The following DYNC1LI2 variants were observed in gnomAD, a reference collection of about 807,000 sequenced individuals.
The protein encoded by DYNC1LI2 is dynein cytoplasmic 1 light intermediate chain 2, also known as cytoplasmic dynein 1 light intermediate chain 2.
A neutral mutation model predicts 57.8 loss-of-function variants in DYNC1LI2; 19 were observed. That is an observed-to-expected ratio of 0.33 (90% confidence interval 0.23 to 0.48). The LOEUF is 0.48. Among genes scored for constraint, DYNC1LI2 ranks in the 20% least tolerant of loss-of-function variants. The pLI, the probability that DYNC1LI2 is intolerant of heterozygous loss-of-function variation, is 0.99. For synonymous variants in DYNC1LI2, 256 were observed against 233.4 expected, an observed-to-expected ratio of 1.10 and a Z score of -0.88; for missense variants, 470 against 604.2, an observed-to-expected ratio of 0.78 and a Z score of 2.33.
chr16:66,723,640 G>T lies in DYNC1LI2; in HGVS notation c.*82C>A. On this transcript the variant is annotated 3_prime_UTR_variant, in exon 13 of 13. Coordinates refer to ENST00000258198, the MANE Select transcript of DYNC1LI2 (RefSeq NM_006141.3). ...CTGCCCCAAAAAACTGATAGCATGT[G>T]CCATATCAGAAAAATCCTGGTCTTA... 1.6e-6 allele frequency: 2 copies of T among 1,230,352 alleles called. No individual in the cohort carries two copies. The highest frequency in any genetic ancestry group is 2.3e-6 in the Non-Finnish European group (2 of 878,834). The allele number at this position is 1,230,352 out of a possible 1,614,324, so 76.2% of individuals were successfully genotyped here.
chr16:66,738,085 A>G (rs1567453684), intron 4 of DYNC1LI2, among the ~76,000 whole-genome samples: 1 of 152,298 alleles, frequency 6.6e-6, no homozygotes, highest in East Asian at 1.9e-4. Context: ...CAAACATTTC[A>G]AACCACGAGT....
In DYNC1LI2 at chr16:66,739,304, TC is replaced by T. The variant is rs548008364; in HGVS notation, c.530-3061del. The T allele has an allele frequency of 4.6e-5, 7 of 152,308 alleles. No homozygotes were observed. In the East Asian group the frequency reaches 1.4e-3, roughly 29 times the overall value. The allele number at this position is 152,308 out of a possible 1,614,324, so 9.4% of individuals were successfully genotyped here. On this transcript the variant is annotated intron_variant, in intron 4 of 12. Transcript: ENST00000258198. ...CATTACCTCGTGCACTGTAAACTTTTCTGCTGTTTTTTACCTGTGCCATGAG... is the reference window on the plus strand; with the variant it reads ...CATTACCTCGTGCACTGTAAACTTTTTGCTGTTTTTTACCTGTGCCATGAG...
In DYNC1LI2 at chr16:66,723,750, G is replaced by T; in HGVS notation, c.1451C>A (p.Thr484Lys). The T allele has an allele frequency of 6.2e-7, 1 of 1,607,684 alleles. No homozygotes were observed. Residue 484 changes from threonine to lysine, a missense_variant, in exon 13 of 13, where the codon ACA (threonine) becomes AAA (lysine). Physicochemically the swap from Thr to Lys is moderately conservative, Grantham distance 78 (BLOSUM62 -1). Coordinates refer to ENST00000258198, the MANE Select transcript of DYNC1LI2 (RefSeq NM_006141.3). ...GGCTTCATTTTCTGTTGAAGAGTTT[G>T]TTACCATAGAGTCTGGCTTTCGAGT... ...RMTRKPDSMV[T>K]NSSTENEA
At chr16:66,734,407 G>C in intron 5 of DYNC1LI2, 96 bp from the exon 6 acceptor site, 1 of 1,195,286 alleles carries the variant, frequency 8.4e-7, no homozygotes, top group Non-Finnish European at 1.2e-6. Flanking sequence ...TGGCTCCAAA[G>C]AAGAAAGCCA....
intron 12 of DYNC1LI2, 54 bp from the exon 13 acceptor site, chr16:66,723,876 AT>A (rs946812168): frequency 3.0e-5 from 45 of 1,480,484 alleles, no homozygotes; most frequent in African/African-American, 1.8e-4. Context: ...AGAGGAAACA[AT>A]TTTTTTTAAA....
At chr16:66,727,842 A>T in intron 10 of DYNC1LI2, 37 bp from the exon 11 acceptor site, 2 of 1,544,510 alleles carry the variant, frequency 1.3e-6, no homozygotes, top group South Asian at 2.3e-5. Context: ...ACACAGGCAT[A>T]ACAATAACAA....
chr16:66,746,911 G>C (rs1025979201), intron 3 of DYNC1LI2, among the ~76,000 whole-genome samples: 9 of 152,146 alleles, frequency 5.9e-5, no homozygotes, highest in African/African-American at 2.2e-4. Flanking sequence ...CAAAGCCACA[G>C]CTCTTTCCAC....
Position 66,723,101 on chromosome 16 carries a change from A to G in DYNC1LI2, c.*621T>C. ...ACAATTAGTACATCTTTCGTAAGTT[A>G]AAGATGCATTCAAAATAAGCCTAAT... On this transcript the variant is annotated 3_prime_UTR_variant, in exon 13 of 13. Transcript: ENST00000258198. 2.9e-6 allele frequency: 1 copy of G among 345,902 alleles called. No individual in the cohort carries two copies. The highest frequency in any genetic ancestry group is 2.3e-5 in the South Asian group (1 of 44,048). The allele number at this position is 345,902 out of a possible 1,614,324, so 21.4% of individuals were successfully genotyped here. A position where few individuals can be genotyped will look rare whatever the true frequency, so the allele number is the denominator to read the frequency against.
intron 4 of DYNC1LI2, among the ~76,000 whole-genome samples, chr16:66,739,689 A>G (rs529739962): frequency 6.6e-6 from 1 of 152,180 alleles, no homozygotes; most frequent in Non-Finnish European, 1.5e-5. Flanking sequence ...AGCTTCCCAA[A>G]GTGCTGGGGT....
chr16:66,721,949 A>G lies in DYNC1LI2; in HGVS notation c.*1773T>C, dbSNP rs2017456375. On this transcript the variant is annotated 3_prime_UTR_variant, in exon 13 of 13. Coordinates refer to ENST00000258198, the MANE Select transcript of DYNC1LI2 (RefSeq NM_006141.3). ...ATCTATTGGTCACTATACCACAATT[A>G]TCATTCTACAGTCAGTTTACTGTCA... The G allele has an allele frequency of 6.6e-6, 1 of 152,376 alleles. No homozygotes were observed. Among genetic ancestry groups the G allele is most frequent in the Non-Finnish European group, 1.5e-5 (1 of 68,036 alleles). The allele number at this position is 152,376 out of a possible 1,614,324, so 9.4% of individuals were successfully genotyped here. A position where few individuals can be genotyped will look rare whatever the true frequency, so the allele number is the denominator to read the frequency against.
chr16:66,721,623 TTC>T lies in DYNC1LI2; in HGVS notation c.*2097_*2098del, dbSNP rs1259938130. 4 of 152,628 alleles carry T rather than the reference TTC, an allele frequency of 2.6e-5. No homozygotes were observed. The highest frequency in any genetic ancestry group is 5.9e-5 in the Non-Finnish European group (4 of 68,040). 9.5% of individuals were successfully genotyped at this position (152,628 alleles called of 1,614,324 possible). On this transcript the variant is annotated 3_prime_UTR_variant, in exon 13 of 13. Transcript: ENST00000258198. ...GCACATGACACTATGTATCAGCTTC[TTC>T]TGATACTAGGAGCTTCCACTTCTCA...
At position 66,751,297 on chromosome 16, in the gene DYNC1LI2, A is replaced by G. The variant is rs2018045933; in HGVS notation, c.157T>C (p.Ser53Pro). Residue 53 changes from serine (S) to proline (P), a missense_variant, in exon 2 of 13, where the codon TCC (serine) becomes CCC (proline). Ser to Pro is a moderately conservative substitution (Grantham distance 74, BLOSUM62 -1). Coordinates refer to ENST00000258198, the MANE Select transcript of DYNC1LI2 (RefSeq NM_006141.3). This position sits in a 1 kb window ranked among gnomAD's most constrained non-coding sequence, Gnocchi z 5.2. ...VSTRARSKLP[S>P]GKNILVFGED... ...CCGAAGACCAGGATGTTCTTGCCGG[A>G]CGGCAGCTTGGACCTGGCGCGGGTG... 2 of 1,612,196 alleles carry G rather than the reference A, an allele frequency of 1.2e-6. No individual in the cohort carries two copies. The highest frequency in any genetic ancestry group is 1.7e-5 in the Admixed American group (1 of 59,980).
At chr16:66,736,469 A>G (rs1413700175) in intron 4 of DYNC1LI2, among the ~76,000 whole-genome samples, 2 of 152,164 alleles carry the variant, frequency 1.3e-5, no homozygotes, top group African/African-American at 2.4e-5. Flanking sequence ...CAGCAAAGAC[A>G]TTCCCCTGGG....
rs1388617327 is a variant in DYNC1LI2 at position 66,742,562 on chromosome 16, A to G, written c.405T>C (p.Phe135=). 6.2e-7 allele frequency: 1 copy of G among 1,614,236 alleles called. No homozygotes were observed. The highest frequency in any genetic ancestry group is 2.2e-5 in the East Asian group (1 of 44,886). ...TCCAAGGTCTAGACATGTCTGCAAC[A>G]AAAATGACGAGGGTCTCTGGCAAGG... ...AESLPETLVI[F]VADMSRPWTV... The change falls in exon 4 of 13, where the codon TTT becomes TTC. Residue 135 remains phenylalanine, a synonymous_variant. Transcript: ENST00000258198.
intron 3 of DYNC1LI2, among the ~76,000 whole-genome samples, chr16:66,746,966 G>A (rs1463722392): frequency 1.3e-5 from 2 of 152,176 alleles, no homozygotes; most frequent in African/African-American, 4.8e-5. Context: ...CTCAATACAT[G>A]TGAGATCCTC....
In DYNC1LI2 at chr16:66,744,602, T is replaced by C. The variant is rs367970884; in HGVS notation, c.299-1934A>G. On this transcript the variant is annotated intron_variant, in intron 3 of 12. Coordinates refer to ENST00000258198, the MANE Select transcript of DYNC1LI2 (RefSeq NM_006141.3). ...CAGGCTGGAGTGTAGTGGCACGATA[T>C]TGGCTCACTGCAACTGCCGCCGCAA... Among the ~76,000 whole-genome samples, 18 of 152,226 alleles carry C rather than the reference T, an allele frequency of 1.2e-4. No homozygotes were observed. The East Asian group carries it at 2.5e-3, about 21-fold the overall frequency.
chr16:66,736,748 G>A (rs1410724210), intron 4 of DYNC1LI2, among the ~76,000 whole-genome samples: 8 of 152,088 alleles, frequency 5.3e-5, no homozygotes, highest in Non-Finnish European at 7.4e-5. Flanking sequence ...CTGCTACCTC[G>A]GCTTTCCAAA....
chr16:66,749,674 G>C (rs1429758693), intron 2 of DYNC1LI2, among the ~76,000 whole-genome samples: 1 of 152,110 alleles, frequency 6.6e-6, no homozygotes, highest in Non-Finnish European at 1.5e-5. Context: ...TTCACCACAA[G>C]AAAAACAAGA....
intron 4 of DYNC1LI2, among the ~76,000 whole-genome samples, chr16:66,737,540 A>G (rs544775428): frequency 6.6e-6 from 1 of 152,206 alleles, no homozygotes; most frequent in Admixed American, 6.5e-5. Flanking sequence ...ATTTTATAAG[A>G]ACATGCTGTT....
Sources: gnomAD v4.1 joint callset for allele counts (sites outside exome capture counted in the v4.1 genomes callset) on GRCh38, gnomAD v4.1.1 for gene constraint, Gnocchi (gnomAD v3.1) non-coding constraint, MANE v1.5 for transcripts, NCBI Gene and HGNC (gene_info 2026-07-23, HGNC 2026-07-21) for gene names.